The following L3MBTL4 variants were observed in gnomAD, a reference collection of about 807,000 sequenced individuals.
L3MBTL4 encodes L3MBTL histone methyl-lysine binding protein 4, also known as lethal(3)malignant brain tumor-like protein 4.
L3MBTL4 carries 70 observed loss-of-function variants against 84.5 expected under a neutral mutation model. That is an observed-to-expected ratio of 0.83 (90% confidence interval 0.68 to 1.01). L3MBTL4 has a LOEUF of 1.01. Ranked by LOEUF, L3MBTL4 falls within the 50% of genes least tolerant of loss-of-function variation. The probability of loss-of-function intolerance (pLI) is 0.00; values close to 1 mark genes in which losing one functional copy is unlikely to be tolerated. For missense variants in L3MBTL4, 715 were observed against 754.8 expected (o/e 0.95, Z 0.62); for synonymous variants, 274 against 259.8 (o/e 1.05, Z -0.52).
chr18:5,976,551 C>T lies in L3MBTL4; in HGVS notation c.1445-6989G>A, dbSNP rs1023280763. On this transcript the variant is annotated intron_variant, in intron 16 of 18. Transcript: ENST00000317931. ...GAGTAGCCTGGATTACACCCTGCCC[C>T]AGAAATCCAATAACAGAAGGCGTGA... Among the ~76,000 whole-genome samples, 9 of 152,224 alleles carry T rather than the reference C, an allele frequency of 5.9e-5. No homozygotes were observed. The East Asian group carries it at 1.7e-3, about 29-fold the overall frequency.
intron 16 of L3MBTL4, among the ~76,000 whole-genome samples, chr18:6,005,029 C>CTTTTTTTTTTTTTTTTTTTTTTT (rs1598412472): frequency 2.0e-4 from 9 of 44,548 alleles, no homozygotes; most frequent in Non-Finnish European, 3.3e-4. Context: ...TTTTTTTTTA[C>CTTTTTTTTTTTTTTTTTTTTTTT]TTTTAGTTCA....
At chr18:5,971,324 C>T (rs896293349) in intron 16 of L3MBTL4, among the ~76,000 whole-genome samples, 5 of 152,292 alleles carry the variant, frequency 3.3e-5, no homozygotes, top group Non-Finnish European at 5.9e-5. Context: ...GCTGGGAAGC[C>T]AGGAGTTAAA....
chr18:6,091,984 C>T (rs535446364), intron 15 of L3MBTL4, among the ~76,000 whole-genome samples: 3 of 152,056 alleles, frequency 2.0e-5, no homozygotes, highest in Non-Finnish European at 4.4e-5. Context: ...CTCTCAACTA[C>T]GTAAAGTTGT....
At chr18:6,074,603 A>G (rs946460355) in intron 16 of L3MBTL4, among the ~76,000 whole-genome samples, 1 of 152,236 alleles carries the variant, frequency 6.6e-6, no homozygotes, top group African/African-American at 2.4e-5. Context: ...CGCAGTTAAC[A>G]TATCTTGGTA....
intron 15 of L3MBTL4, among the ~76,000 whole-genome samples, chr18:6,085,999 T>C (rs1251314856): frequency 6.6e-6 from 1 of 152,230 alleles, no homozygotes; most frequent in Non-Finnish European, 1.5e-5. Context: ...CAAACATCTA[T>C]ATGTTATGCT....
chr18:6,146,316 G>A (rs2042649102), intron 13 of L3MBTL4, among the ~76,000 whole-genome samples: 1 of 152,214 alleles, frequency 6.6e-6, no homozygotes, highest in African/African-American at 2.4e-5. Context: ...GGGGCTAGGT[G>A]AGCCCCATGG....
chr18:5,971,728 G>C (rs1280186781), intron 16 of L3MBTL4, among the ~76,000 whole-genome samples: 2 of 152,110 alleles, frequency 1.3e-5, no homozygotes, highest in African/African-American at 4.8e-5. Flanking sequence ...TTGGGTGCTG[G>C]GGCAGACTCT....
At chr18:6,022,717 C>A (rs566547181) in intron 16 of L3MBTL4, among the ~76,000 whole-genome samples, 3 of 152,168 alleles carry the variant, frequency 2.0e-5, no homozygotes, top group Non-Finnish European at 2.9e-5. Context: ...ACAAAGTCTA[C>A]GTGATTTGGC....
At chr18:6,101,896 G>C (rs1022540705) in intron 14 of L3MBTL4, among the ~76,000 whole-genome samples, 2 of 152,056 alleles carry the variant, frequency 1.3e-5, no homozygotes, top group African/African-American at 4.8e-5. Flanking sequence ...TTAGACCGAA[G>C]TCGAAATTCT....
rs1411875102 is a variant in L3MBTL4, at chr18:6,045,686, TG to T, written c.1444+35194del. Among the ~76,000 whole-genome samples, 4 of 152,208 alleles carry T rather than the reference TG, an allele frequency of 2.6e-5. No individual in the cohort carries two copies. In the East Asian group the frequency reaches 7.7e-4, roughly 29 times the overall value. ...CCCACTGGGTCCCTCCCACAACATGTGGGAATTCAAGATGAGATTTGGGTAA... is the reference window on the plus strand; with the variant it reads ...CCCACTGGGTCCCTCCCACAACATGTGGAATTCAAGATGAGATTTGGGTAA... On this transcript the variant is annotated intron_variant, in intron 16 of 18. Transcript: ENST00000317931.
chr18:6,124,486 T>C (rs1295251829), intron 14 of L3MBTL4, among the ~76,000 whole-genome samples: 3 of 150,140 alleles, frequency 2.0e-5, no homozygotes, highest in African/African-American at 7.3e-5. Context: ...TACACACCAA[T>C]ACATGCAGTA....
At chr18:6,063,985 T>C (rs964648583) in intron 16 of L3MBTL4, among the ~76,000 whole-genome samples, 3 of 152,142 alleles carry the variant, frequency 2.0e-5, no homozygotes, top group Admixed American at 2.0e-4. Flanking sequence ...TTTTTATGGT[T>C]TCAGGTCTTA....
intron 14 of L3MBTL4, among the ~76,000 whole-genome samples, chr18:6,127,403 C>T (rs1294145947): frequency 6.6e-6 from 1 of 152,128 alleles, no homozygotes; most frequent in Non-Finnish European, 1.5e-5. Context: ...TTGGACACCC[C>T]AGTTCTACAT....
chr18:6,366,085 C>G (rs1399405364), intron 1 of L3MBTL4, among the ~76,000 whole-genome samples: 2 of 152,178 alleles, frequency 1.3e-5, no homozygotes, highest in Non-Finnish European at 2.9e-5. Context: ...AGGAAAGAAA[C>G]TTCCAACCTT....
At chr18:5,983,255 C>T (rs1367662908) in intron 16 of L3MBTL4, among the ~76,000 whole-genome samples, 1 of 152,122 alleles carries the variant, frequency 6.6e-6, no homozygotes, top group Non-Finnish European at 1.5e-5. Flanking sequence ...ATTTGGAATC[C>T]GTAATTTTCT....
chr18:6,166,149 C>T (rs1460260675), intron 13 of L3MBTL4, among the ~76,000 whole-genome samples: 2 of 152,152 alleles, frequency 1.3e-5, no homozygotes, highest in Non-Finnish European at 2.9e-5. Flanking sequence ...TATATATGCA[C>T]CCAATACAGG....
chr18:6,021,508 C>A (rs1334978841), intron 16 of L3MBTL4, among the ~76,000 whole-genome samples: 2 of 152,112 alleles, frequency 1.3e-5, no homozygotes, highest in Non-Finnish European at 2.9e-5. Context: ...TTGGAAGCAC[C>A]GCGGCGTGCC....
At chr18:6,090,157 T>C (rs540543625) in intron 15 of L3MBTL4, among the ~76,000 whole-genome samples, 7 of 152,280 alleles carry the variant, frequency 4.6e-5, no homozygotes, top group African/African-American at 1.7e-4. Context: ...GGAATATATA[T>C]GGGTTTTCAG....
At chr18:6,322,541 GA>G (rs2051481048) in intron 1 of L3MBTL4, among the ~76,000 whole-genome samples, 1 of 151,398 alleles carries the variant, frequency 6.6e-6, no homozygotes, top group Non-Finnish European at 1.5e-5. Context: ...GTATATCAAA[GA>G]GATATCTGCA....
Sources: gnomAD v4.1 joint callset for allele counts (sites outside exome capture counted in the v4.1 genomes callset) on GRCh38, gnomAD v4.1.1 for gene constraint, MANE v1.5 for transcripts, NCBI Gene and HGNC (gene_info 2026-07-23, HGNC 2026-07-21) for gene names.